The following OTOG variants were observed in gnomAD, a reference collection of about 807,000 sequenced individuals.
OTOG encodes the protein otogelin.
A neutral mutation model predicts 313.8 loss-of-function variants in OTOG; 296 were observed. That is an observed-to-expected ratio of 0.94 (90% CI 0.86 to 1.04). OTOG has a LOEUF of 1.04. OTOG is among the 50% of genes least tolerant of loss of function. The pLI is 0.00. For missense variants in OTOG, 3,948 were observed against 3,840.1 expected, an observed-to-expected ratio of 1.03 and a Z score of -0.74; for synonymous variants, 1,533 against 1,554.9, an observed-to-expected ratio of 0.99 and a Z score of 0.33.
intron 3 of OTOG, among the ~76,000 whole-genome samples, chr11:17,550,361 G>A (rs563928273): frequency 2.0e-5 from 3 of 152,302 alleles, no homozygotes; most frequent in African/African-American, 7.2e-5. Flanking sequence ...TGTGATATAA[G>A]TGATTTCCTT....
chr11:17,639,233 C>T (rs1362495268), intron 48 of OTOG, among the ~76,000 whole-genome samples, 190 bp from the exon 49 acceptor site: 1 of 152,182 alleles, frequency 6.6e-6, no homozygotes, highest in Non-Finnish European at 1.5e-5. Flanking sequence ...AGCAGAGCTG[C>T]AGGCCTTCTC....
Position 17,588,212 on chromosome 11 carries a change from G to A in OTOG, c.2867+1631G>A, listed in dbSNP as rs534331749. On this transcript the variant is annotated intron_variant, in intron 24 of 55. Coordinates refer to ENST00000399397, the MANE Select transcript of OTOG (RefSeq NM_001292063.2). Reference sequence around the variant, plus strand: ...CAAGTTTTTACTTTTTAACTCAGTTGTAAAAATTCTACCTCCTAATACAGG... The same window carrying A: ...CAAGTTTTTACTTTTTAACTCAGTTATAAAAATTCTACCTCCTAATACAGG... 3.0e-4 allele frequency among the ~76,000 whole-genome samples: 46 copies of A among 152,294 alleles called. No homozygotes were observed. In the South Asian group the frequency reaches 9.5e-3, roughly 32 times the overall value.
intron 39 of OTOG, among the ~76,000 whole-genome samples, chr11:17,615,124 G>A (rs997959631): frequency 1.3e-5 from 2 of 152,164 alleles, no homozygotes; most frequent in Non-Finnish European, 2.9e-5. Context: ...TGATGATGTT[G>A]AGCATCTTTC....
chr11:17,596,752 G>T (rs148673136), intron 29 of OTOG, 99 bp from the exon 30 acceptor site: 4 of 1,065,634 alleles, frequency 3.8e-6, no homozygotes, highest in Non-Finnish European at 5.5e-6. Flanking sequence ...ACCCTATCCC[G>T]TGGTCCCTTC....
intron 13 of OTOG, 120 bp from the exon 14 acceptor site, chr11:17,560,971 G>T: frequency 7.8e-7 from 1 of 1,284,248 alleles, no homozygotes; most frequent in Non-Finnish European, 1.1e-6. Flanking sequence ...ATCCATGGGG[G>T]AAATCTCTAC....
rs538771300 is a variant in OTOG at position 17,599,784 on chromosome 11, G to A, written c.3709+87G>A. On this transcript the variant is annotated intron_variant, in intron 31 of 55. Coordinates refer to ENST00000399397, the MANE Select transcript of OTOG (RefSeq NM_001292063.2). ...GCCACACAGCATCAGCCATCCCGAG[G>A]CGCTGCTGGCCCTGGAAGAGCCGTG... is the stretch of plus-strand genomic sequence containing the variant. 323 of 1,454,038 alleles carry A rather than the reference G, an allele frequency of 2.2e-4. No homozygotes were observed. In the African/African-American group the frequency reaches 3.6e-3, roughly 16 times the overall value. 90.1% of individuals were successfully genotyped at this position (1,454,038 alleles called of 1,614,324 possible).
chr11:17,607,359 A>T (rs1047650773), intron 33 of OTOG, among the ~76,000 whole-genome samples: 4 of 152,206 alleles, frequency 2.6e-5, no homozygotes, highest in Admixed American at 2.6e-4. Flanking sequence ...CACTTGTGCC[A>T]AGGTAGCCTG....
chr11:17,553,873 T>A (rs1851999036), intron 6 of OTOG, among the ~76,000 whole-genome samples: 1 of 152,198 alleles, frequency 6.6e-6, no homozygotes, highest in African/African-American at 2.4e-5. Context: ...GGACATCAAA[T>A]CAGAGGACTC....
intron 3 of OTOG, among the ~76,000 whole-genome samples, chr11:17,550,167 A>G (rs1326628938): frequency 6.6e-6 from 1 of 152,242 alleles, no homozygotes; most frequent in East Asian, 1.9e-4. Context: ...ACCAATAGAC[A>G]TGACAGATAT....
At chr11:17,573,389 C>CAT in intron 19 of OTOG, 99 bp downstream of exon 19, 1 of 1,256,594 alleles carries the variant, frequency 8.0e-7, no homozygotes, top group African/African-American at 1.5e-5. Context: ...GCCCTCCAGT[C>CAT]TCCTCCAGCC....
At position 17,645,798 on chromosome 11, in the gene OTOG, A is replaced by G; in HGVS notation, c.8596A>G (p.Asn2866Asp). 3 of 1,551,056 alleles carry G rather than the reference A, an allele frequency of 1.9e-6. No individual in the cohort carries two copies. The highest frequency in any genetic ancestry group is 2.6e-6 in the Non-Finnish European group (3 of 1,147,106). The change falls in exon 56 of 56, where the codon AAC (asparagine) becomes GAC (aspartate). Residue 2866 changes from asparagine (N) to aspartate (D), a missense_variant. Coordinates refer to ENST00000399397, the MANE Select transcript of OTOG (RefSeq NM_001292063.2). ...CCCATCCGCCAGCATCTACAACTAC[A>G]ACATCAACACCTATGCCCGATTCTG... The part of the protein sequence containing the change: ...RCPSASIYNY[N>D]INTYARFCKC...
chr11:17,639,292 T>A, intron 48 of OTOG, 131 bp from the exon 49 acceptor site: 2 of 931,868 alleles, frequency 2.1e-6, no homozygotes, highest in Non-Finnish European at 3.3e-6. Context: ...CTTCCTCTCC[T>A]CTCCCAGGCC....
At chr11:17,644,527 G>C (rs554905980) in intron 54 of OTOG, among the ~76,000 whole-genome samples, 1 of 152,338 alleles carries the variant, frequency 6.6e-6, no homozygotes, top group East Asian at 1.9e-4. Flanking sequence ...GTAGAGCCTT[G>C]TGGAGCTGAT....
At chr11:17,613,286 TCC>T (rs1384746053) in intron 38 of OTOG, among the ~76,000 whole-genome samples, 82 of 149,962 alleles carry the variant, frequency 5.5e-4, no homozygotes, top group East Asian at 1.2e-3. Flanking sequence ...TCTGTCTTTC[TCC>T]TTCTTTCTTC....
chr11:17,578,025 G>A (rs1001510299), intron 22 of OTOG, among the ~76,000 whole-genome samples: 2 of 152,118 alleles, frequency 1.3e-5, no homozygotes, highest in African/African-American at 2.4e-5. Context: ...TTGGGGAGGA[G>A]GAGAAGTGGC....
chr11:17,593,964 C>T, intron 27 of OTOG, 83 bp from the exon 28 acceptor site: 1 of 1,520,136 alleles, frequency 6.6e-7, no homozygotes. Flanking sequence ...CTATGATAGA[C>T]TCCTGGGCTC....
At chr11:17,595,942 C>T in intron 28 of OTOG, 96 bp from the exon 29 acceptor site, 1 of 810,508 alleles carries the variant, frequency 1.2e-6, no homozygotes, top group Non-Finnish European at 2.1e-6. Flanking sequence ...TATCAGGGGG[C>T]AAGGATCATG....
At chr11:17,608,088 C>G (rs998902727) in intron 33 of OTOG, among the ~76,000 whole-genome samples, 1 of 152,148 alleles carries the variant, frequency 6.6e-6, no homozygotes, top group Non-Finnish European at 1.5e-5. Context: ...GTCCTGCATT[C>G]AGCTCCCAGA....
chr11:17,602,078 TGAA>T, intron 31 of OTOG, 129 bp from the exon 32 acceptor site: 1 of 1,005,332 alleles, frequency 9.9e-7, no homozygotes, highest in African/African-American at 1.6e-5. Flanking sequence ...AGATCTGGGA[TGAA>T]GGACACCATC....
Sources: allele counts gnomAD v4.1 joint callset (sites outside exome capture counted in the v4.1 genomes callset), GRCh38; gene constraint gnomAD v4.1.1; transcripts MANE v1.5; gene names NCBI Gene and HGNC (gene_info 2026-07-23, HGNC 2026-07-21).